PODNL1: variants seen among roughly 807,000 people sequenced by gnomAD.
PODNL1 encodes podocan like 1.
Under a neutral mutation model 45.1 loss-of-function variants are expected in PODNL1, and 50 were observed. The ratio of observed to expected loss-of-function variants is 1.11; its 90% CI spans 0.88 to 1.40. PODNL1 has a LOEUF of 1.40. Among genes scored for constraint, PODNL1 ranks in the 40% most tolerant of loss-of-function variants. The pLI, the probability that PODNL1 is intolerant of heterozygous loss-of-function variation, is 0.00. For synonymous variants in PODNL1, 406 were observed against 372.5 expected, an observed-to-expected ratio of 1.09 and a Z score of -1.04; for missense variants, 788 against 793.3, an observed-to-expected ratio of 0.99 and a Z score of 0.08.
rs1239542615 is a variant in PODNL1 at position 13,938,246 on chromosome 19, G to A, written c.-65C>T. On this transcript the variant is annotated 5_prime_UTR_variant, in exon 1 of 10. Transcript: ENST00000588872. ...CAGGACTTCCTAATGGAAACCAGGC[G>A]GTCACCTCCTGGAGCCTCTGCTGTG... The A allele has an allele frequency of 6.3e-6, 10 of 1,583,022 alleles. No homozygotes were observed. The highest frequency in any genetic ancestry group is 2.3e-5 in the South Asian group (2 of 85,502).
At chr19:13,942,968 T>C (rs562066303), upstream of PODNL1, among the ~76,000 whole-genome samples, 3 of 151,372 alleles carry the variant, frequency 2.0e-5, no homozygotes, top group East Asian at 5.8e-4. Context: ...ACCACTGCAC[T>C]CCAGCCTGGG....
chr19:13,949,127 T>G (rs754954585), intron 1 of PODNL1, among the ~76,000 whole-genome samples: 44 of 151,768 alleles, frequency 2.9e-4, no homozygotes, highest in Non-Finnish European at 5.9e-4. Context: ...GCCCAGCTAA[T>G]TTTTGTATTT....
chr19:13,937,900 C>T lies in PODNL1; in HGVS notation c.110G>A (p.Arg37Gln), dbSNP rs1413875445. 10 of 1,569,518 alleles carry T rather than the reference C, an allele frequency of 6.4e-6. No individual in the cohort carries two copies. Among genetic ancestry groups the T allele is most frequent in the Admixed American group, 1.9e-5 (1 of 52,182 alleles). ...HLGESLQPLP[R>Q]ACPLRCSCPR... ...GCAGGAGCAGCGCAGGGGACAGGCC[C>T]GGGGCAGGGGCTGCAAGCTCTCCCC... The change falls in exon 2 of 10, where the codon CGG becomes CAG. Residue 37 changes from arginine (R) to glutamine (Q), a missense_variant. Arg to Gln is a conservative substitution (Grantham distance 43). Coordinates refer to ENST00000588872, the MANE Select transcript of PODNL1 (RefSeq NM_001370095.3).
At chr19:13,948,350 G>A (rs1165384279) in intron 1 of PODNL1, among the ~76,000 whole-genome samples, 39 of 147,476 alleles carry the variant, frequency 2.6e-4, no homozygotes, top group African/African-American at 8.5e-4. Context: ...ACAGGCGCCC[G>A]CCACCACGCC....
At chr19:13,952,732 A>G (rs929264318) in intron 1 of PODNL1, 1 of 85,034 alleles carries the variant, frequency 1.2e-5, no homozygotes. Context: ...TCGCGGGGTG[A>G]GGGGTTGGGG....
intron 6 of PODNL1, 106 bp from the exon 7 acceptor site, chr19:13,934,099 A>G (rs1972153163): frequency 7.2e-7 from 1 of 1,392,344 alleles, no homozygotes; most frequent in African/African-American, 1.4e-5. Context: ...CTTGAGCTCA[A>G]AGCGATTTCC....
At chr19:13,944,820 G>T (rs1430258879) in intron 1 of PODNL1, among the ~76,000 whole-genome samples, 1 of 151,862 alleles carries the variant, frequency 6.6e-6, no homozygotes, top group African/African-American at 2.4e-5. Context: ...CTGTCACCCA[G>T]GCTGGAGTCC....
At chr19:13,944,902 A>G (rs1248516484) in intron 1 of PODNL1, among the ~76,000 whole-genome samples, 1 of 151,922 alleles carries the variant, frequency 6.6e-6, no homozygotes, top group African/African-American at 2.4e-5. Flanking sequence ...CAGTCTTCCC[A>G]GTAGCTAAGA....
chr19:13,953,193 A>C, exon 1 of PODNL1: 1 of 1,473,740 alleles, frequency 6.8e-7, no homozygotes, highest in Non-Finnish European at 9.1e-7. Flanking sequence ...AGTGAGAGTT[A>C]CCGAAGCAGG....
rs73925406 is a variant in PODNL1 at position 13,933,667 on chromosome 19, G to C, written c.767+211C>G. On this transcript the variant is annotated intron_variant, in intron 7 of 9. Transcript: ENST00000588872. The surrounding 1 kb of genome is among the most constrained non-coding windows in gnomAD (Gnocchi z 5.2). ...GTTAGCTATGGGGGTGACCAGGGTA[G>C]AGCCGAGATGGAAAGGCATGTGAGA... Among the ~76,000 whole-genome samples, 4,299 of 152,204 alleles carry C rather than the reference G, an allele frequency of 0.028. 162 individuals are homozygous for C. Among genetic ancestry groups the C allele is most frequent in the African/African-American group, 0.092 (3,815 of 41,502 alleles).
Position 13,933,058 on chromosome 19 carries a change from T to C in PODNL1, c.1165A>G (p.Ser389Gly), listed in dbSNP as rs1268998616. 9.8e-5 allele frequency: 151 copies of C among 1,535,842 alleles called. No homozygotes were observed. Among genetic ancestry groups the C allele is most frequent in the Non-Finnish European group, 1.2e-4 (142 of 1,146,344 alleles). The change falls in exon 8 of 10, where the codon AGC becomes GGC. Residue 389 changes from serine to glycine, a missense_variant. Physicochemically the swap from Ser to Gly is moderately conservative, Grantham distance 56 (BLOSUM62 0). Transcript: ENST00000588872. The surrounding 1 kb of genome is among the most constrained non-coding windows in gnomAD (Gnocchi z 5.2). Reference sequence around the variant, plus strand: ...AAGGCCCGGTGGTGCACACGGGCGCTGGCCAGGCGGTTATAGGCCAGGTTA... The same window carrying C: ...AAGGCCCGGTGGTGCACACGGGCGCCGGCCAGGCGGTTATAGGCCAGGTTA... ...ELNLAYNRLA[S>G]ARVHHRAFRR...
intron 1 of PODNL1, among the ~76,000 whole-genome samples, chr19:13,947,583 A>G (rs1972865652): frequency 6.6e-6 from 1 of 152,142 alleles, no homozygotes; most frequent in Non-Finnish European, 1.5e-5. Flanking sequence ...AAGCTGCCCC[A>G]TCATCTGGTG....
intron 1 of PODNL1, among the ~76,000 whole-genome samples, chr19:13,945,313 C>G (rs962686388): frequency 6.6e-6 from 1 of 151,620 alleles, no homozygotes; most frequent in African/African-American, 2.4e-5. Flanking sequence ...GAGTTCAAAA[C>G]CAGCCTGGGC....
At chr19:13,945,644 G>A (rs543580037) in intron 1 of PODNL1, among the ~76,000 whole-genome samples, 4 of 151,874 alleles carry the variant, frequency 2.6e-5, no homozygotes, top group Admixed American at 2.0e-4. Context: ...CTGCCACTGC[G>A]CCCAGCTAAT....
Position 13,932,821 on chromosome 19 carries a change from A to G in PODNL1, c.1402T>C (p.Trp468Arg), listed in dbSNP as rs778380205. Residue 468 changes from tryptophan (W) to arginine (R), a missense_variant, in exon 8 of 10, where the codon TGG becomes CGG. Physicochemically the swap from Trp to Arg is moderately radical, Grantham distance 101. Transcript: ENST00000588872. ...LRVGDIGPGT[W>R]HELQALQMLD... Reference sequence around the variant, plus strand: ...ACCTGGAGGGCTTGGAGCTCATGCCAGGTGCCTGGCCCGATGTCGCCGACC... The same window carrying G: ...ACCTGGAGGGCTTGGAGCTCATGCCGGGTGCCTGGCCCGATGTCGCCGACC... The G allele has an allele frequency of 5.6e-6, 9 of 1,612,970 alleles. No individual in the cohort carries two copies. The highest frequency in any genetic ancestry group is 6.8e-6 in the Non-Finnish European group (8 of 1,180,008).
At chr19:13,934,063 G>A (rs1211915612) in intron 6 of PODNL1, 70 bp from the exon 7 acceptor site, 2 of 1,434,100 alleles carry the variant, frequency 1.4e-6, no homozygotes, top group Non-Finnish European at 1.9e-6. Flanking sequence ...GACGGCTCTT[G>A]AGTAAGGGAG....
At chr19:13,937,522 A>G (rs959053934) in intron 2 of PODNL1, among the ~76,000 whole-genome samples, 1 of 150,186 alleles carries the variant, frequency 6.7e-6, no homozygotes, top group Non-Finnish European at 1.5e-5. Context: ...TCCAAACAAC[A>G]CTATAACCGC....
chr19:13,936,108 C>T, intron 3 of PODNL1, 64 bp from the exon 4 acceptor site: 1 of 1,383,832 alleles, frequency 7.2e-7, no homozygotes, highest in Non-Finnish European at 1.0e-6. Context: ...GGAGTCTGGG[C>T]TCCCAGCTGC....
At chr19:13,942,123 C>T (rs1440732356), upstream of PODNL1, among the ~76,000 whole-genome samples, 1 of 152,130 alleles carries the variant, frequency 6.6e-6, no homozygotes, top group East Asian at 1.9e-4. Flanking sequence ...TGTTTGAGTT[C>T]CGGGCAAGCC....
Sources: gnomAD v4.1 joint callset for allele counts (sites outside exome capture counted in the v4.1 genomes callset) on GRCh38, gnomAD v4.1.1 for gene constraint, Gnocchi (gnomAD v3.1) non-coding constraint, MANE v1.5 for transcripts, NCBI Gene and HGNC (gene_info 2026-07-23, HGNC 2026-07-21) for gene names.